CDCA2: variants seen among roughly 807,000 people sequenced by gnomAD.
The protein encoded by CDCA2 is cell division cycle associated 2.
In CDCA2, 44 loss-of-function variants were observed where a neutral mutation model predicts 67.0. That is an observed-to-expected ratio of 0.66 (90% CI 0.52 to 0.84). CDCA2 has a LOEUF of 0.84. Among genes scored for constraint, CDCA2 ranks in the 40% least tolerant of loss-of-function variants. The probability of loss-of-function intolerance (pLI) is 0.00; values close to 1 mark genes in which losing one functional copy is unlikely to be tolerated. For synonymous variants in CDCA2, 447 were observed against 418.7 expected (o/e 1.07, Z -0.82); for missense variants, 1,253 against 1,203.2 (o/e 1.04, Z -0.61).
intron 6 of CDCA2, among the ~76,000 whole-genome samples, chr8:25,468,750 T>C (rs1003503231): frequency 5.9e-5 from 9 of 152,158 alleles, no homozygotes; most frequent in African/African-American, 7.2e-5. Context: ...GTCTTGCCCT[T>C]AGGCAGTATT....
rs77444149 is a variant in CDCA2, at chr8:25,460,940, T to C, written c.232+386T>C. On this transcript the variant is annotated intron_variant, in intron 3 of 14. Transcript: ENST00000330560. The stretch of plus-strand genomic sequence containing the variant: ...AAGTTTAAGAGCAATTAAGAAAATA[T>C]AATACTGAAAGAGCAGGATGTACCT... 3.9e-3 allele frequency among the ~76,000 whole-genome samples: 593 copies of C among 152,196 alleles called. 5 individuals carry two copies. The highest frequency in any genetic ancestry group is 0.013 in the African/African-American group (541 of 41,546).
chr8:25,480,311 T>A (rs964833588), intron 8 of CDCA2, among the ~76,000 whole-genome samples, 187 bp downstream of exon 8: 3 of 152,156 alleles, frequency 2.0e-5, no homozygotes, highest in Non-Finnish European at 2.9e-5. Context: ...TTCTTATTTT[T>A]AAAAAATTAA....
At chr8:25,480,515 TAGTCTTA>T (rs1399809274) in intron 8 of CDCA2, among the ~76,000 whole-genome samples, 2 of 152,200 alleles carry the variant, frequency 1.3e-5, no homozygotes, top group Non-Finnish European at 2.9e-5. Context: ...CCAAAATATT[TAGTCTTA>T]AAAGTACCTC....
chr8:25,462,888 C>T (rs551485646), intron 4 of CDCA2, among the ~76,000 whole-genome samples: 14 of 152,156 alleles, frequency 9.2e-5, no homozygotes, highest in African/African-American at 3.4e-4. Flanking sequence ...ACTATGTTGC[C>T]CAGGCTTATT....
chr8:25,485,552 A>G (rs930538305), intron 10 of CDCA2, among the ~76,000 whole-genome samples: 15 of 152,208 alleles, frequency 9.9e-5, no homozygotes, highest in Non-Finnish European at 2.1e-4. Flanking sequence ...TAAGCATTTC[A>G]TTGCAAACAT....
At chr8:25,474,165 T>C (rs1166086310) in intron 7 of CDCA2, among the ~76,000 whole-genome samples, 1 of 152,240 alleles carries the variant, frequency 6.6e-6, no homozygotes, top group Admixed American at 6.5e-5. Flanking sequence ...TGGTGAATGA[T>C]TCTTTTAATG....
chr8:25,461,307 GATTC>G (rs1015470073), intron 3 of CDCA2, among the ~76,000 whole-genome samples: 8 of 147,950 alleles, frequency 5.4e-5, no homozygotes, highest in African/African-American at 2.0e-4. Flanking sequence ...ACAGAAGATT[GATTC>G]TGGCTAATGT....
In CDCA2 at chr8:25,459,428, G is replaced by A. The variant is rs902394661; in HGVS notation, c.-46G>A. The A allele has an allele frequency of 6.6e-6, 1 of 152,126 alleles. No homozygotes were observed. The highest frequency in any genetic ancestry group is 1.5e-5 in the Non-Finnish European group (1 of 68,074). The allele number at this position is 152,126 out of a possible 1,614,324, so 9.4% of individuals were successfully genotyped here. ...GACGCTCGCCTGCCACGGGGCTCTG[G>A]GAGTAAGCCTGTCTGCCTGGCGGGC... On this transcript the variant is annotated 5_prime_UTR_variant, in exon 1 of 15. Coordinates refer to ENST00000330560, the MANE Select transcript of CDCA2 (RefSeq NM_152562.4).
rs562820737 is a variant in CDCA2, at chr8:25,490,672, G to C, written c.1671+1983G>C. On this transcript the variant is annotated intron_variant, in intron 13 of 14. Coordinates refer to ENST00000330560, the MANE Select transcript of CDCA2 (RefSeq NM_152562.4). ...TACGTGGGACAGTTTGCACCAGTTG[G>C]CACACCAGCCTCCTCCCACCCTGAT... is the stretch of plus-strand genomic sequence containing the variant. Among the ~76,000 whole-genome samples the C allele has an allele frequency of 2.6e-5, 4 of 152,198 alleles. No homozygotes were observed. The South Asian group carries it at 8.3e-4, about 32-fold the overall frequency.
At chr8:25,506,103 G>A (rs1009682396) in intron 14 of CDCA2, among the ~76,000 whole-genome samples, 12 of 152,088 alleles carry the variant, frequency 7.9e-5, no homozygotes, top group South Asian at 2.1e-4. Context: ...CCCCTGTTTC[G>A]GAGGATACAT....
At chr8:25,468,811 G>T (rs1248940224) in intron 6 of CDCA2, among the ~76,000 whole-genome samples, 2 of 152,108 alleles carry the variant, frequency 1.3e-5, no homozygotes, top group African/African-American at 2.4e-5. Flanking sequence ...GGAGCTGGTG[G>T]ATCAGGTGGA....
At position 25,485,848 on chromosome 8, in the gene CDCA2, G is replaced by A. The variant is rs1354086578; in HGVS notation, c.1444+11G>A. On this transcript the variant is annotated intron_variant, in intron 11 of 14. Coordinates refer to ENST00000330560, the MANE Select transcript of CDCA2 (RefSeq NM_152562.4). ...CTGAGACCCTTTCAGGTAGTAACTT[G>A]TTTATCTTAAAATCATAAATGTCAT... The A allele has an allele frequency of 8.0e-6, 12 of 1,493,866 alleles. No individual in the cohort carries two copies. Among genetic ancestry groups the A allele is most frequent in the Non-Finnish European group, 1.1e-5 (12 of 1,083,678 alleles). 92.5% of individuals were successfully genotyped at this position (1,493,866 alleles called of 1,614,324 possible). A position where few individuals can be genotyped will look rare whatever the true frequency, so the allele number is the denominator to read the frequency against.
intron 13 of CDCA2, among the ~76,000 whole-genome samples, chr8:25,500,788 A>G (rs1028232057): frequency 1.3e-5 from 2 of 152,240 alleles, no homozygotes; most frequent in Non-Finnish European, 2.9e-5. Context: ...CAGCTCTATC[A>G]CATGTCAACT....
chr8:25,467,710 A>G (rs933817346), intron 5 of CDCA2, among the ~76,000 whole-genome samples: 2 of 152,196 alleles, frequency 1.3e-5, no homozygotes, highest in Admixed American at 6.5e-5. Context: ...TATCTTTTCA[A>G]TAGACATGTT....
At chr8:25,477,711 C>T (rs1586487057) in intron 7 of CDCA2, among the ~76,000 whole-genome samples, 2 of 152,098 alleles carry the variant, frequency 1.3e-5, no homozygotes, top group Admixed American at 1.3e-4. Context: ...GGCCTTTTCC[C>T]GGAACTCTTG....
intron 11 of CDCA2, among the ~76,000 whole-genome samples, chr8:25,486,702 C>A (rs998186401): frequency 6.6e-6 from 1 of 151,264 alleles, no homozygotes; most frequent in Non-Finnish European, 1.5e-5. Flanking sequence ...ATAATCTCAG[C>A]TACTCAGGAG....
chr8:25,487,906 A>T (rs1803847128), intron 12 of CDCA2, among the ~76,000 whole-genome samples: 1 of 152,188 alleles, frequency 6.6e-6, no homozygotes. Flanking sequence ...TGATTTTATG[A>T]ATTTCGTTGA....
At chr8:25,479,596 T>C in intron 7 of CDCA2, 1 of 350,230 alleles carries the variant, frequency 2.9e-6, no homozygotes, top group South Asian at 2.8e-5. Flanking sequence ...GTGTCATGAG[T>C]AGAGGCACGC....
intron 11 of CDCA2, among the ~76,000 whole-genome samples, chr8:25,486,160 G>C (rs1013067119): frequency 6.6e-6 from 1 of 152,208 alleles, no homozygotes; most frequent in Non-Finnish European, 1.5e-5. Flanking sequence ...TTGACATCTG[G>C]ATTGTAAGGA....
Sources: allele counts gnomAD v4.1 joint callset (sites outside exome capture counted in the v4.1 genomes callset), GRCh38; gene constraint gnomAD v4.1.1; transcripts MANE v1.5; gene names NCBI Gene and HGNC (gene_info 2026-07-23, HGNC 2026-07-21).